CALD1: variants seen among roughly 807,000 people sequenced by gnomAD.
CALD1 encodes caldesmon 1.
Under a neutral mutation model 99.9 loss-of-function variants are expected in CALD1, and 33 were observed. That is an observed-to-expected ratio of 0.33 (90% CI 0.25 to 0.44). The LOEUF (loss-of-function observed/expected upper bound fraction) is 0.44, where lower values mean the gene tolerates loss of function less well. CALD1 is among the 20% of genes least tolerant of loss of function. The pLI, the probability that CALD1 is intolerant of heterozygous loss-of-function variation, is 1.00. For synonymous variants in CALD1, 310 were observed against 325.0 expected (o/e 0.95, Z 0.50); for missense variants, 861 against 962.1 (o/e 0.89, Z 1.39).
chr7:134,908,754 T>G (rs937282689), intron 3 of CALD1, among the ~76,000 whole-genome samples: 1 of 152,188 alleles, frequency 6.6e-6, no homozygotes, highest in African/African-American at 2.4e-5. Context: ...TTGGATCATC[T>G]GGCCCCGTAA....
At chr7:134,939,066 G>A (rs1013000204) in intron 6 of CALD1, among the ~76,000 whole-genome samples, 1 of 152,214 alleles carries the variant, frequency 6.6e-6, no homozygotes, top group Non-Finnish European at 1.5e-5. Flanking sequence ...AGCCACAGAT[G>A]CTTCTTAACT....
rs1292673337 is a variant in CALD1, at chr7:134,935,746, C to G, written c.1367C>G (p.Pro456Arg). ...AKREKLQEDK[P>R]TFKKEEIKDE... ...AGAGAAAAGCTCCAAGAAGACAAGC[C>G]TACCTTCAAAAAAGAAGAGGTAAAT... Residue 456 changes from proline (P) to arginine (R), a missense_variant, in exon 6 of 15, where the codon CCT becomes CGT. By Grantham distance (103) the Pro-to-Arg change is moderately radical (BLOSUM62 -2). This residue lies in a region of CALD1 where 293 missense variants were observed against 262.7 expected (regional missense o/e 1.12). Coordinates refer to ENST00000361675, the MANE Select transcript of CALD1 (RefSeq NM_033138.4). 6.3e-7 allele frequency: 1 copy of G among 1,595,064 alleles called. No homozygotes were observed. Among genetic ancestry groups the G allele is most frequent in the Non-Finnish European group, 8.5e-7 (1 of 1,172,912 alleles).
intron 1 of CALD1, among the ~76,000 whole-genome samples, chr7:134,757,196 T>G (rs918076904): frequency 2.0e-5 from 3 of 152,148 alleles, no homozygotes; most frequent in South Asian, 2.1e-4. Context: ...ATATTGGCTT[T>G]CCATATGGTG....
At chr7:134,720,184 C>CTTT in the CALD1 span, among the ~76,000 whole-genome samples, 8 of 139,920 alleles carry the variant, frequency 5.7e-5, no homozygotes, top group East Asian at 2.1e-4. Context: ...TAGCCCTCCT[C>CTTT]TTTTTTTTTT....
chr7:134,892,395 T>C (rs996979716), intron 3 of CALD1, among the ~76,000 whole-genome samples: 4 of 152,172 alleles, frequency 2.6e-5, no homozygotes, highest in Admixed American at 2.0e-4. Flanking sequence ...CACACTGGTG[T>C]TTATGAGGTT....
chr7:134,840,600 A>G (rs749360608), intron 1 of CALD1, among the ~76,000 whole-genome samples: 1 of 152,238 alleles, frequency 6.6e-6, no homozygotes, highest in Non-Finnish European at 1.5e-5. Flanking sequence ...ACTCATCAAC[A>G]ATCTCCTCCA....
chr7:134,785,608 C>T (rs1797274154), intron 1 of CALD1, among the ~76,000 whole-genome samples: 1 of 152,056 alleles, frequency 6.6e-6, no homozygotes, highest in Non-Finnish European at 1.5e-5. Context: ...TAAAATATCC[C>T]CTGAGTTCTG....
intron 2 of CALD1, chr7:134,867,072 G>A (rs780820046): frequency 6.6e-6 from 1 of 152,174 alleles, no homozygotes; most frequent in African/African-American, 2.4e-5. Context: ...GGTTACATCT[G>A]TAGAAAAGCA....
chr7:134,756,871 T>C (rs1307160241), intron 1 of CALD1, among the ~76,000 whole-genome samples: 1 of 152,184 alleles, frequency 6.6e-6, no homozygotes, highest in Admixed American at 6.5e-5. Flanking sequence ...TGCCATCCAA[T>C]AGCACAGTTT....
chr7:134,775,901 C>G (rs1254656683), upstream of CALD1, among the ~76,000 whole-genome samples: 2 of 152,092 alleles, frequency 1.3e-5, no homozygotes, highest in Non-Finnish European at 2.9e-5. Flanking sequence ...AGGTAATGAA[C>G]ACTTTTTGTT....
chr7:134,864,430 G>A (rs1434182627), intron 2 of CALD1, among the ~76,000 whole-genome samples: 4 of 144,822 alleles, frequency 2.8e-5, no homozygotes, highest in Non-Finnish European at 4.5e-5. Flanking sequence ...ATGGAGTCTC[G>A]CTCTGTCGCT....
chr7:134,772,547 T>C (rs529346174), intron 1 of CALD1, among the ~76,000 whole-genome samples: 1 of 152,352 alleles, frequency 6.6e-6, no homozygotes, highest in South Asian at 2.1e-4. Flanking sequence ...ACTAACATGG[T>C]CTTGCCTGCT....
At chr7:134,789,777 T>C (rs1797449525) in intron 1 of CALD1, among the ~76,000 whole-genome samples, 1 of 152,128 alleles carries the variant, frequency 6.6e-6, no homozygotes, top group Admixed American at 6.5e-5. Flanking sequence ...ATACAAGTTC[T>C]AGGAAGTCCT....
intron 1 of CALD1, among the ~76,000 whole-genome samples, chr7:134,822,697 C>T (rs182283744): frequency 5.9e-5 from 9 of 152,328 alleles, no homozygotes; most frequent in Admixed American, 5.9e-4. Context: ...TAAAACCTCT[C>T]ATCTTACCAT....
chr7:134,880,309 G>A (rs778070907), intron 3 of CALD1, among the ~76,000 whole-genome samples: 3 of 152,166 alleles, frequency 2.0e-5, no homozygotes, highest in African/African-American at 4.8e-5. Flanking sequence ...TACTGTGCCC[G>A]CTTAGAATAA....
chr7:134,915,881 C>T (rs1248744297), intron 3 of CALD1, among the ~76,000 whole-genome samples: 1 of 152,172 alleles, frequency 6.6e-6, no homozygotes, highest in Non-Finnish European at 1.5e-5. Context: ...ATTGAGCAGG[C>T]CCTGTGTTAA....
intron 3 of CALD1, among the ~76,000 whole-genome samples, chr7:134,895,634 T>C (rs1160482314): frequency 2.0e-5 from 3 of 152,150 alleles, no homozygotes; most frequent in Non-Finnish European, 4.4e-5. Context: ...GGACACCCAT[T>C]TGTTAGAATT....
At chr7:134,750,061 C>T (rs1308543002) in intron 1 of CALD1, among the ~76,000 whole-genome samples, 1 of 152,096 alleles carries the variant, frequency 6.6e-6, no homozygotes, top group African/African-American at 2.4e-5. Context: ...TTCCAAGACA[C>T]AGACCAACTA....
chr7:134,736,951 G>A, the CALD1 span, among the ~76,000 whole-genome samples: 1 of 151,928 alleles, frequency 6.6e-6, no homozygotes, highest in Non-Finnish European at 1.5e-5. Flanking sequence ...TCACTGTGTT[G>A]CTTTAGCTTG....
Sources: gnomAD v4.1 joint callset for allele counts (sites outside exome capture counted in the v4.1 genomes callset) on GRCh38, gnomAD v4.1.1 for gene constraint, gnomAD v4.1.1 regional missense constraint, MANE v1.5 for transcripts, NCBI Gene and HGNC (gene_info 2026-07-23, HGNC 2026-07-21) for gene names.